The following CSNK1G2 variants were observed in gnomAD, a reference collection of about 807,000 sequenced individuals.
CSNK1G2 encodes the protein casein kinase I isoform gamma-2.
In CSNK1G2, 11 loss-of-function variants were observed where a neutral mutation model predicts 48.0. The observed-to-expected ratio is 0.23, with a 90% CI of 0.14 to 0.38. The LOEUF (loss-of-function observed/expected upper bound fraction) is 0.38, where lower values mean the gene tolerates loss of function less well. CSNK1G2 is among the 10% of genes least tolerant of loss of function. The pLI, the probability that CSNK1G2 is intolerant of heterozygous loss-of-function variation, is 1.00. For synonymous variants in CSNK1G2, 337 were observed against 254.1 expected (o/e 1.33, Z -3.10); for missense variants, 446 against 595.5 (o/e 0.75, Z 2.61).
chr19:1,953,250 C>G, intron 1 of CSNK1G2: 1 of 387,296 alleles, frequency 2.6e-6, no homozygotes, highest in Non-Finnish European at 5.2e-6. Context: ...GACCGGGGAC[C>G]CCTGCCCCCC....
At chr19:1,953,219 G>A (rs367642836) in intron 1 of CSNK1G2, among the ~76,000 whole-genome samples, 7 of 152,210 alleles carry the variant, frequency 4.6e-5, no homozygotes, top group South Asian at 2.1e-4. Context: ...CGTTCCCCCC[G>A]CTGTCTGTGG....
chr19:1,958,494 GGCCGCAGCA>G (rs1318138946), intron 1 of CSNK1G2, among the ~76,000 whole-genome samples: 1 of 95,428 alleles, frequency 1.0e-5, no homozygotes, highest in African/African-American at 4.2e-5. Flanking sequence ...CCCCGTCCAG[GGCCGCAGCA>G]GCTCAGCTCT....
chr19:1,978,678 C>T lies in CSNK1G2; in HGVS notation c.375C>T (p.Ser125=), dbSNP rs771642864. ...NAMVLELLGP[S]LEDLFDLCDR... The stretch of plus-strand genomic sequence containing the variant: ...TGGTGCTGGAGCTGCTGGGGCCCAG[C>T]CTGGAGGACCTGTTCGACCTGTGCG... The change falls in exon 5 of 12, where the codon AGC becomes AGT. Residue 125 remains serine, a synonymous_variant. Transcript: ENST00000255641. This position sits in a 1 kb window ranked among gnomAD's most constrained non-coding sequence, Gnocchi z 7.3. 3 of 1,606,760 alleles carry T rather than the reference C, an allele frequency of 1.9e-6. No individual in the cohort carries two copies. The East Asian group carries it at 6.7e-5, about 36-fold the overall frequency.
chr19:1,945,597 G>A (rs368984492), intron 1 of CSNK1G2, among the ~76,000 whole-genome samples: 2 of 152,190 alleles, frequency 1.3e-5, no homozygotes, highest in Non-Finnish European at 2.9e-5. Context: ...CGAGGTGGGC[G>A]GATCACCTGA....
At chr19:1,944,628 T>C (rs2014487037) in intron 1 of CSNK1G2, among the ~76,000 whole-genome samples, 1 of 148,926 alleles carries the variant, frequency 6.7e-6, no homozygotes, top group Non-Finnish European at 1.5e-5. Context: ...TGTGCCGCCC[T>C]GTGACTGGCA....
chr19:1,957,693 G>C lies in CSNK1G2; in HGVS notation c.-265-11815G>C, dbSNP rs966308138. Among the ~76,000 whole-genome samples, 1 of 152,174 alleles carries C rather than the reference G, an allele frequency of 6.6e-6. No homozygotes were observed. The highest frequency in any genetic ancestry group is 1.5e-5 in the Non-Finnish European group (1 of 68,030). On this transcript the variant is annotated intron_variant, in intron 1 of 11. Transcript: ENST00000255641. The surrounding 1 kb of genome is among the most constrained non-coding windows in gnomAD (Gnocchi z 5.4). Reference sequence around the variant, plus strand: ...CGCAGGACCCCGGGTGACTGCAGACGTGGGCACAGAGGGGCCTCTGAGGGC... The same window carrying C: ...CGCAGGACCCCGGGTGACTGCAGACCTGGGCACAGAGGGGCCTCTGAGGGC...
rs1445795149 is a variant in CSNK1G2 at position 1,975,518 on chromosome 19, C to T, written c.188-2787C>T. On this transcript the variant is annotated intron_variant, in intron 2 of 11. Transcript: ENST00000255641. ...ACCAAACCCCATCCTCCCTGTGAGC[C>T]GCGGCACAGCACCAGGCGGGCACAC... 1.0e-5 allele frequency: 10 copies of T among 985,342 alleles called. No homozygotes were observed. In the African/African-American group the frequency reaches 1.0e-4, roughly 10 times the overall value. 61.0% of individuals were successfully genotyped at this position (985,342 alleles called of 1,614,324 possible). A position where few individuals can be genotyped will look rare whatever the true frequency, so the allele number is the denominator to read the frequency against.
At chr19:1,952,148 C>T (rs757494975) in intron 1 of CSNK1G2, among the ~76,000 whole-genome samples, 1 of 152,120 alleles carries the variant, frequency 6.6e-6, no homozygotes, top group African/African-American at 2.4e-5. Context: ...TGAAAGGGGT[C>T]GTGATGGTCA....
intron 1 of CSNK1G2, among the ~76,000 whole-genome samples, chr19:1,966,387 G>C (rs2015366092): frequency 6.6e-6 from 1 of 152,206 alleles, no homozygotes; most frequent in Admixed American, 6.5e-5. Context: ...AAGAGAACTA[G>C]AATGAGAAGG....
chr19:1,959,246 G>C (rs1599302034), intron 1 of CSNK1G2: 2 of 150,340 alleles, frequency 1.3e-5, no homozygotes, highest in African/African-American at 4.9e-5. Context: ...AGGTTTGGTT[G>C]GTGGCCTCCA....
chr19:1,974,426 G>A (rs1568201901), intron 2 of CSNK1G2, among the ~76,000 whole-genome samples: 1 of 152,198 alleles, frequency 6.6e-6, no homozygotes, highest in African/African-American at 2.4e-5. Context: ...CCTCTCTCTA[G>A]GCCCCAGCCC....
intron 1 of CSNK1G2, among the ~76,000 whole-genome samples, chr19:1,964,554 A>G (rs956433817): frequency 6.6e-6 from 1 of 152,054 alleles, no homozygotes; most frequent in Non-Finnish European, 1.5e-5. Flanking sequence ...AGGTGATGCC[A>G]GGGCTTTTTA....
Position 1,980,513 on chromosome 19 carries a change from C to T in CSNK1G2, c.*310C>T. On this transcript the variant is annotated 3_prime_UTR_variant, in exon 12 of 12. Coordinates refer to ENST00000255641, the MANE Select transcript of CSNK1G2 (RefSeq NM_001319.7). ...GGCCCGCCCTACCCCACTCCTGCCCCTCCGTTTCTTTGCTGAAGTGAGTAG... is the reference window on the plus strand; with the variant it reads ...GGCCCGCCCTACCCCACTCCTGCCCTTCCGTTTCTTTGCTGAAGTGAGTAG... 1 of 429,294 alleles carries T rather than the reference C, an allele frequency of 2.3e-6. No individual in the cohort carries two copies. Among genetic ancestry groups the T allele is most frequent in the South Asian group, 2.4e-5 (1 of 41,624 alleles). 26.6% of individuals were successfully genotyped at this position (429,294 alleles called of 1,614,324 possible). A position where few individuals can be genotyped will look rare whatever the true frequency, so the allele number is the denominator to read the frequency against.
intron 1 of CSNK1G2, among the ~76,000 whole-genome samples, chr19:1,943,712 T>C (rs376134543): frequency 6.6e-6 from 1 of 152,162 alleles, no homozygotes; most frequent in African/African-American, 2.4e-5. Flanking sequence ...GCAGAGCCAC[T>C]GGGACGGACG....
chr19:1,975,628 C>T (rs1399400289), intron 2 of CSNK1G2: 15 of 985,248 alleles, frequency 1.5e-5, no homozygotes, highest in African/African-American at 1.7e-5. Context: ...ATCCCACCTC[C>T]GAAGGGCAGC....
chr19:1,978,573 C>T lies in CSNK1G2; in HGVS notation c.299-29C>T. The stretch of plus-strand genomic sequence containing the variant: ...AGGGGCAGGGAGGGGGCTGCCGCCG[C>T]ACGCCCGTGCGTCTGTCCTCCGCCG... On this transcript the variant is annotated intron_variant, in intron 4 of 11. Transcript: ENST00000255641. The surrounding 1 kb of genome is among the most constrained non-coding windows in gnomAD (Gnocchi z 7.3). The T allele has an allele frequency of 1.9e-6, 3 of 1,575,438 alleles. No individual in the cohort carries two copies. Among genetic ancestry groups the T allele is most frequent in the Non-Finnish European group, 2.6e-6 (3 of 1,161,144 alleles).
intron 1 of CSNK1G2, among the ~76,000 whole-genome samples, chr19:1,963,534 G>A (rs1299743387): frequency 6.6e-6 from 1 of 151,106 alleles, no homozygotes; most frequent in African/African-American, 2.4e-5. Context: ...TTGAGGCAGT[G>A]TCTCGCTGTA....
chr19:1,980,115 C>A, intron 11 of CSNK1G2, 34 bp from the exon 12 acceptor site: 1 of 1,612,066 alleles, frequency 6.2e-7, no homozygotes, highest in Non-Finnish European at 8.5e-7. Context: ...GCCCTGCACC[C>A]CGGTCCTCCT....
chr19:1,959,953 G>C (rs1010371577), intron 1 of CSNK1G2, among the ~76,000 whole-genome samples: 1 of 151,956 alleles, frequency 6.6e-6, no homozygotes, highest in Non-Finnish European at 1.5e-5. Flanking sequence ...CCACAACCCC[G>C]TTTGGGTTCA....
Sources: allele counts gnomAD v4.1 joint callset (sites outside exome capture counted in the v4.1 genomes callset), GRCh38; gene constraint gnomAD v4.1.1; non-coding constraint Gnocchi (gnomAD v3.1); transcripts MANE v1.5; gene names NCBI Gene and HGNC (gene_info 2026-07-23, HGNC 2026-07-21).